The following FAM171A1 variants were observed in gnomAD, a reference collection of about 807,000 sequenced individuals.
FAM171A1 encodes family with sequence similarity 171 member A1, also known as protein FAM171A1.
FAM171A1 carries 23 observed loss-of-function variants against 74.9 expected under a neutral mutation model. That is an observed-to-expected ratio of 0.31 (90% CI 0.22 to 0.44). The LOEUF is 0.44. Ranked by LOEUF, FAM171A1 falls within the 20% of genes least tolerant of loss-of-function variation. The pLI is 1.00. For synonymous variants in FAM171A1, 527 were observed against 505.7 expected, an observed-to-expected ratio of 1.04 and a Z score of -0.57; for missense variants, 1,162 against 1,159.2, an observed-to-expected ratio of 1.00 and a Z score of -0.03.
chr10:15,277,917 T>C (rs1834914726), intron 2 of FAM171A1, among the ~76,000 whole-genome samples: 1 of 152,152 alleles, frequency 6.6e-6, no homozygotes, highest in Non-Finnish European at 1.5e-5. Context: ...TCACCATGCC[T>C]GGCTAATTGT....
chr10:15,346,301 T>C (rs1400522547), intron 1 of FAM171A1, among the ~76,000 whole-genome samples: 1 of 152,198 alleles, frequency 6.6e-6, no homozygotes, highest in Non-Finnish European at 1.5e-5. Context: ...TCTTCCTATG[T>C]TGCCCAGGCT....
At chr10:15,370,023 G>C (rs1836115891) in intron 1 of FAM171A1, among the ~76,000 whole-genome samples, 1 of 152,196 alleles carries the variant, frequency 6.6e-6, no homozygotes, top group Non-Finnish European at 1.5e-5. Flanking sequence ...CAACAGAGGA[G>C]TCCTCGACGC....
chr10:15,298,851 G>A (rs1022277719), intron 1 of FAM171A1, among the ~76,000 whole-genome samples: 2 of 152,058 alleles, frequency 1.3e-5, no homozygotes, highest in African/African-American at 2.4e-5. Context: ...GTGACCAGAG[G>A]ACCCACAAGG....
chr10:15,284,216 G>A (rs1323970039), intron 1 of FAM171A1, 111 bp from the exon 2 acceptor site: 2 of 921,570 alleles, frequency 2.2e-6, no homozygotes, highest in Non-Finnish European at 3.3e-6. Flanking sequence ...GGACATCAAG[G>A]TTGACACTCA....
chr10:15,213,837 G>C lies in FAM171A1; in HGVS notation c.1751C>G (p.Pro584Arg). 1 of 1,614,124 alleles carries C rather than the reference G, an allele frequency of 6.2e-7. No homozygotes were observed. Among genetic ancestry groups the C allele is most frequent in the East Asian group, 2.2e-5 (1 of 44,886 alleles). The change falls in exon 8 of 8, where the codon CCG (proline) becomes CGG (arginine). Residue 584 changes from proline to arginine, a missense_variant. Pro to Arg is a moderately radical substitution (Grantham distance 103, BLOSUM62 -2). Transcript: ENST00000378116. This position sits in a 1 kb window ranked among gnomAD's most constrained non-coding sequence, Gnocchi z 6.8. ...CCCGGGGAGTTTCATATAATGAGCC[G>C]GGATGACCAAGGCAGGCAGTACTTT... Reference protein sequence around the residue: ...YRKVLPALVIPAHYMKLPGDH... With the variant: ...YRKVLPALVIRAHYMKLPGDH...
At chr10:15,267,601 CAAAAAAAAAAAAAAAAA>C (rs71390026) in intron 3 of FAM171A1, among the ~76,000 whole-genome samples, 5 of 53,348 alleles carry the variant, frequency 9.4e-5, no homozygotes, top group African/African-American at 3.5e-4. Context: ...GACACCATCG[CAAAAAAAAAAAAAAAAA>C]AAAAAAAAAA....
Position 15,275,951 on chromosome 10 carries a change from C to A in FAM171A1, c.326-4G>T. 1 of 1,600,816 alleles carries A rather than the reference C, an allele frequency of 6.2e-7. No homozygotes were observed. The highest frequency in any genetic ancestry group is 1.7e-5 in the Admixed American group (1 of 59,090). On this transcript the variant is annotated splice_polypyrimidine_tract_variant and splice_region_variant and intron_variant, in intron 2 of 7. Transcript: ENST00000378116. ...CCAAGGCTCAGAGAGGAAAATACTG[C>A]AGGAAAAAGAAATGGATAGAAGGGG... is the stretch of plus-strand genomic sequence containing the variant.
chr10:15,290,702 G>C (rs1835092304), intron 1 of FAM171A1, among the ~76,000 whole-genome samples: 1 of 152,160 alleles, frequency 6.6e-6, no homozygotes, highest in African/African-American at 2.4e-5. Context: ...CAACTGGGTG[G>C]TCAGGGGAGG....
At chr10:15,313,382 T>C (rs749660002) in intron 1 of FAM171A1, among the ~76,000 whole-genome samples, 12 of 152,344 alleles carry the variant, frequency 7.9e-5, no homozygotes, top group Non-Finnish European at 1.5e-4. Context: ...CTTTCTTTCC[T>C]TGAGCTAAAA....
intron 6 of FAM171A1, among the ~76,000 whole-genome samples, chr10:15,220,338 G>T (rs1834020744): frequency 6.6e-6 from 1 of 152,080 alleles, no homozygotes; most frequent in Non-Finnish European, 1.5e-5. Context: ...CTCCTGAGAT[G>T]ACCATTTTGA....
Position 15,333,369 on chromosome 10 carries a change from G to A in FAM171A1, c.97+37587C>T, listed in dbSNP as rs539446526. Among the ~76,000 whole-genome samples the A allele has an allele frequency of 7.9e-5, 12 of 152,248 alleles. No homozygotes were observed. In the South Asian group the frequency reaches 1.0e-3, roughly 13 times the overall value. ...GCAAAAATTAGCTGGGCGTGGTGGCGTGTGCCTGTAATCCCAGTTACCTGG... is the reference window on the plus strand; with the variant it reads ...GCAAAAATTAGCTGGGCGTGGTGGCATGTGCCTGTAATCCCAGTTACCTGG... On this transcript the variant is annotated intron_variant, in intron 1 of 7. Coordinates refer to ENST00000378116, the MANE Select transcript of FAM171A1 (RefSeq NM_001010924.2).
intron 5 of FAM171A1, among the ~76,000 whole-genome samples, chr10:15,223,107 A>C (rs1834060493): frequency 6.6e-6 from 1 of 152,230 alleles, no homozygotes; most frequent in Admixed American, 6.5e-5. Context: ...TGGGAGGTCA[A>C]GGTGGGAGGA....
chr10:15,360,212 T>G (rs1835978064), intron 1 of FAM171A1, among the ~76,000 whole-genome samples: 2 of 152,162 alleles, frequency 1.3e-5, no homozygotes, highest in Non-Finnish European at 2.9e-5. Context: ...AGATTGTAGG[T>G]GTGAGCCACC....
At chr10:15,289,241 G>A (rs1835075429) in intron 1 of FAM171A1, among the ~76,000 whole-genome samples, 1 of 152,184 alleles carries the variant, frequency 6.6e-6, no homozygotes, top group South Asian at 2.1e-4. Context: ...CAGGGCAGCT[G>A]TCATCTGACT....
rs534982014 is a variant in FAM171A1, at chr10:15,244,030, A to G, written c.754+4609T>C. Among the ~76,000 whole-genome samples, 25 of 152,324 alleles carry G rather than the reference A, an allele frequency of 1.6e-4. No homozygotes were observed. The South Asian group carries it at 3.1e-3, about 19-fold the overall frequency. The stretch of plus-strand genomic sequence containing the variant: ...CTCCCAAAGTGCTGGGATTACAGGC[A>G]TATCAGAGTATCTTAAATTGCCTTT... On this transcript the variant is annotated intron_variant, in intron 5 of 7. Coordinates refer to ENST00000378116, the MANE Select transcript of FAM171A1 (RefSeq NM_001010924.2).
rs1408387553 is a variant in FAM171A1, at chr10:15,275,843, T to A, written c.418+12A>T. 4 of 1,535,656 alleles carry A rather than the reference T, an allele frequency of 2.6e-6. No homozygotes were observed. Among genetic ancestry groups the A allele is most frequent in the Non-Finnish European group, 3.6e-6 (4 of 1,122,468 alleles). On this transcript the variant is annotated intron_variant, in intron 3 of 7. Coordinates refer to ENST00000378116, the MANE Select transcript of FAM171A1 (RefSeq NM_001010924.2). Reference sequence around the variant, plus strand: ...AAATAACAATAAAAACTGAAAAAAATATTAAATATACCTTGGAATCCTGAT... The same window carrying A: ...AAATAACAATAAAAACTGAAAAAAAAATTAAATATACCTTGGAATCCTGAT...
At chr10:15,340,740 T>C (rs895394253) in intron 1 of FAM171A1, among the ~76,000 whole-genome samples, 2 of 152,148 alleles carry the variant, frequency 1.3e-5, no homozygotes, top group African/African-American at 4.8e-5. Flanking sequence ...CTGCAGGTCT[T>C]GATAGTGAGT....
chr10:15,240,390 G>A (rs1834348633), intron 5 of FAM171A1, among the ~76,000 whole-genome samples: 4 of 152,202 alleles, frequency 2.6e-5, no homozygotes, highest in Admixed American at 2.6e-4. Flanking sequence ...TATTTTTATT[G>A]AGGGTCCATA....
chr10:15,311,886 A>C (rs1436449733), intron 1 of FAM171A1, among the ~76,000 whole-genome samples: 1 of 152,250 alleles, frequency 6.6e-6, no homozygotes, highest in Non-Finnish European at 1.5e-5. Context: ...ATGCCTAGAC[A>C]GTGCTAGTCC....
Sources: gnomAD v4.1 joint callset for allele counts (sites outside exome capture counted in the v4.1 genomes callset) on GRCh38, gnomAD v4.1.1 for gene constraint, Gnocchi (gnomAD v3.1) non-coding constraint, MANE v1.5 for transcripts, NCBI Gene and HGNC (gene_info 2026-07-23, HGNC 2026-07-21) for gene names.